The following DTL variants were observed in gnomAD, a reference collection of about 807,000 sequenced individuals.
DTL encodes denticleless protein homolog.
In DTL, 46 loss-of-function variants were observed where a neutral mutation model predicts 87.0. That is an observed-to-expected ratio of 0.53 (90% CI 0.42 to 0.68). DTL has a LOEUF of 0.68. Ranked by LOEUF, DTL falls within the 30% of genes least tolerant of loss-of-function variation. The pLI, the probability that DTL is intolerant of heterozygous loss-of-function variation, is 0.00. For missense variants in DTL, 737 were observed against 869.4 expected (o/e 0.85, Z 1.91); for synonymous variants, 308 against 311.2 (o/e 0.99, Z 0.11).
chr1:212,050,404 A>C (rs922488911), intron 5 of DTL, among the ~76,000 whole-genome samples: 2 of 152,192 alleles, frequency 1.3e-5, no homozygotes, highest in Non-Finnish European at 2.9e-5. Flanking sequence ...GACTCAGATA[A>C]GTGCTTTGTG....
intron 10 of DTL, among the ~76,000 whole-genome samples, chr1:212,070,253 A>T (rs7551276): frequency 1.3e-5 from 2 of 152,140 alleles, no homozygotes; most frequent in Non-Finnish European, 2.9e-5. Flanking sequence ...AACCTTTTCT[A>T]TGCTTCTATT....
At chr1:212,088,350 A>G (rs6675701) in intron 13 of DTL, among the ~76,000 whole-genome samples, 139,598 of 152,266 alleles carry the variant, frequency 0.92, 64,212 homozygotes, top group East Asian at 1. Flanking sequence ...GAAACTTAAC[A>G]AACATTGTTT....
chr1:212,049,302 A>G (rs1010241820), intron 5 of DTL, among the ~76,000 whole-genome samples: 11 of 152,184 alleles, frequency 7.2e-5, no homozygotes, highest in African/African-American at 2.7e-4. Flanking sequence ...GAAATATGGC[A>G]TGATTTTTCT....
intron 2 of DTL, among the ~76,000 whole-genome samples, chr1:212,043,546 A>G (rs1350584788): frequency 1.3e-5 from 2 of 152,056 alleles, no homozygotes; most frequent in African/African-American, 4.8e-5. Flanking sequence ...ACGCCAAGGT[A>G]GGTCTGGGCA....
intron 1 of DTL, among the ~76,000 whole-genome samples, chr1:212,042,254 T>C (rs1667675365): frequency 7.0e-6 from 1 of 142,708 alleles, no homozygotes; most frequent in East Asian, 3.9e-4. Context: ...TAGTGCACAT[T>C]AGACCTCTGA....
chr1:212,067,096 C>T (rs941662997), intron 8 of DTL, among the ~76,000 whole-genome samples: 6 of 152,246 alleles, frequency 3.9e-5, no homozygotes, highest in Admixed American at 1.3e-4. Context: ...ACATGTGTCA[C>T]GCTTAGCACA....
rs1035617120 is a variant in DTL, at chr1:212,054,951, A to T, written c.460+7534A>T. 5.3e-5 allele frequency among the ~76,000 whole-genome samples: 8 copies of T among 152,328 alleles called. No individual in the cohort carries two copies. In the South Asian group the frequency reaches 8.3e-4, roughly 16 times the overall value. On this transcript the variant is annotated intron_variant, in intron 5 of 14. Coordinates refer to ENST00000366991, the MANE Select transcript of DTL (RefSeq NM_016448.4). ...TGTACAACCAAAGCTGTTAAAAGGA[A>T]TGAATAGTGCCTGACACTTAAAAAG...
chr1:212,044,533 G>C (rs1233034401), intron 2 of DTL, 127 bp from the exon 3 acceptor site: 7 of 557,088 alleles, frequency 1.3e-5, no homozygotes, highest in African/African-American at 1.2e-4. Flanking sequence ...GAACCCAGGA[G>C]GTGGAGGTTG....
At chr1:212,051,443 T>C (rs1211929721) in intron 5 of DTL, 6 of 59,218 alleles carry the variant, frequency 1.0e-4, no homozygotes, top group African/African-American at 6.8e-4. Flanking sequence ...TATGAAATTC[T>C]TTTTTTTTTT....
intron 6 of DTL, among the ~76,000 whole-genome samples, chr1:212,063,782 A>G (rs572884887): frequency 6.6e-6 from 1 of 152,206 alleles, no homozygotes; most frequent in East Asian, 1.9e-4. Context: ...TGATACATAT[A>G]TAGAACATGA....
At chr1:212,043,510 C>G (rs913656254) in intron 2 of DTL, among the ~76,000 whole-genome samples, 1 of 152,108 alleles carries the variant, frequency 6.6e-6, no homozygotes, top group Non-Finnish European at 1.5e-5. Flanking sequence ...CTCAGTGGCT[C>G]ACACCTAAAA....
intron 13 of DTL, among the ~76,000 whole-genome samples, chr1:212,091,524 G>A (rs917776334): frequency 3.3e-5 from 5 of 152,138 alleles, no homozygotes; most frequent in African/African-American, 9.7e-5. Flanking sequence ...CACTATTCAC[G>A]ATAGCCAAGA....
chr1:212,042,988 T>G lies in DTL; in HGVS notation c.53-5T>G, dbSNP rs1667701083. The stretch of plus-strand genomic sequence containing the variant: ...GGAATTCTATAAGGAATTATCTTGT[T>G]TTAGGATGGTCTTCACAATACCCTC... On this transcript the variant is annotated splice_polypyrimidine_tract_variant and splice_region_variant and intron_variant, in intron 1 of 14. Transcript: ENST00000366991. 1 of 1,597,186 alleles carries G rather than the reference T, an allele frequency of 6.3e-7. No homozygotes were observed. Among genetic ancestry groups the G allele is most frequent in the Non-Finnish European group, 8.5e-7 (1 of 1,173,334 alleles).
intron 13 of DTL, among the ~76,000 whole-genome samples, chr1:212,096,098 A>AG (rs142657253): frequency 0.95 from 145,166 of 152,154 alleles, 69,311 homozygotes; most frequent in East Asian, 1. Context: ...TTAATCTAGG[A>AG]GGTTGTATAT....
chr1:212,067,951 A>G (rs1278058591), intron 8 of DTL, among the ~76,000 whole-genome samples: 2 of 152,190 alleles, frequency 1.3e-5, no homozygotes, highest in African/African-American at 4.8e-5. Flanking sequence ...ATCGGCACTC[A>G]ACCTTCATCT....
chr1:212,054,949 G>T (rs1160528141), intron 5 of DTL, among the ~76,000 whole-genome samples: 1 of 152,174 alleles, frequency 6.6e-6, no homozygotes, highest in African/African-American at 2.4e-5. Context: ...CTGTTAAAAG[G>T]AATGAATAGT....
chr1:212,066,993 C>G, intron 8 of DTL, 108 bp downstream of exon 8: 1 of 898,668 alleles, frequency 1.1e-6, no homozygotes, highest in African/African-American at 1.7e-5. Context: ...CAACTGTCAA[C>G]ATAGCAAGTA....
chr1:212,043,109 T>C lies in DTL; in HGVS notation c.169T>C (p.Phe57Leu). 1 of 1,611,814 alleles carries C rather than the reference T, an allele frequency of 6.2e-7. No homozygotes were observed. Among genetic ancestry groups the C allele is most frequent in the Non-Finnish European group, 8.5e-7 (1 of 1,179,132 alleles). The change falls in exon 2 of 15, where the codon TTC (phenylalanine) becomes CTC (leucine). Residue 57 changes from phenylalanine (F) to leucine (L), a missense_variant. Physicochemically the swap from Phe to Leu is conservative, Grantham distance 22. Transcript: ENST00000366991. ...CCCAGTTCCTCCTTTTGGATGTACC[T>C]TCTCTTCTGGTAAGAGAATTACTAT... ...GVPVPPFGCT[F>L]SSAPNMEHVL...
intron 2 of DTL, among the ~76,000 whole-genome samples, chr1:212,043,838 A>AG (rs971109218): frequency 7.1e-6 from 1 of 141,666 alleles, no homozygotes; most frequent in East Asian, 1.9e-4. Flanking sequence ...CAAAAAAAAA[A>AG]AAAAAAAAGA....
Sources: allele counts gnomAD v4.1 joint callset (sites outside exome capture counted in the v4.1 genomes callset), GRCh38; gene constraint gnomAD v4.1.1; transcripts MANE v1.5; gene names NCBI Gene and HGNC (gene_info 2026-07-23, HGNC 2026-07-21).